The following MED15 variants were observed in gnomAD, a reference collection of about 807,000 sequenced individuals.
MED15 encodes the protein mediator complex subunit 15.
A neutral mutation model predicts 118.7 loss-of-function variants in MED15; 41 were observed. The observed-to-expected ratio is 0.35, with a 90% CI of 0.27 to 0.45. The LOEUF is 0.45. Ranked by LOEUF, MED15 falls within the 20% of genes least tolerant of loss-of-function variation. The pLI is 1.00. For missense variants in MED15, 740 were observed against 1,025.5 expected (o/e 0.72, Z 3.80); for synonymous variants, 436 against 413.9 (o/e 1.05, Z -0.65).
chr22:20,584,469 T>TA, intron 14 of MED15, 44 bp downstream of exon 14: 2 of 1,598,478 alleles, frequency 1.3e-6, no homozygotes, highest in Non-Finnish European at 1.7e-6. Context: ...AGGGCTCTCC[T>TA]AAGAGCTCCT....
chr22:20,583,062 T>TG, intron 11 of MED15, 51 bp from the exon 12 acceptor site: 1 of 1,559,016 alleles, frequency 6.4e-7, no homozygotes, highest in Non-Finnish European at 8.7e-7. Flanking sequence ...AGAGCTCAAG[T>TG]TCCCCACCCG....
chr22:20,567,999 CT>C (rs2056505228), intron 7 of MED15, among the ~76,000 whole-genome samples: 1 of 152,236 alleles, frequency 6.6e-6, no homozygotes, highest in African/African-American at 2.4e-5. Flanking sequence ...ATCCCCACAC[CT>C]AGCCAAATTT....
At position 20,568,579 on chromosome 22, in the gene MED15, A is replaced by G. The variant is rs1169014817; in HGVS notation, c.1100A>G (p.Gln367Arg). Residue 367 changes from glutamine to arginine, a missense_variant, in exon 8 of 18, where the codon CAG becomes CGG. Transcript: ENST00000263205. ...GTGCAGCCCCAGGTGCAGCAGCAGCAGACAGCAGTACAGACAGCTCAGGCT... is the reference window on the plus strand; with the variant it reads ...GTGCAGCCCCAGGTGCAGCAGCAGCGGACAGCAGTACAGACAGCTCAGGCT... ...PPVQPQVQQQ[Q>R]TAVQTAQAAQ... The G allele has an allele frequency of 1.2e-6, 2 of 1,613,816 alleles. No homozygotes were observed. The highest frequency in any genetic ancestry group is 1.7e-6 in the Non-Finnish European group (2 of 1,180,030).
At chr22:20,580,954 C>T (rs1329422731) in intron 9 of MED15, among the ~76,000 whole-genome samples, 2 of 152,236 alleles carry the variant, frequency 1.3e-5, no homozygotes, top group African/African-American at 4.8e-5. Context: ...GGCTGGGGCT[C>T]CTGCACTCTG....
chr22:20,553,731 G>A (rs566630763), intron 4 of MED15, among the ~76,000 whole-genome samples: 34 of 152,210 alleles, frequency 2.2e-4, no homozygotes, highest in African/African-American at 8.2e-4. Context: ...AAATAGCCGG[G>A]TGTGGTGGCA....
intron 5 of MED15, among the ~76,000 whole-genome samples, chr22:20,559,038 C>T (rs2056127959): frequency 6.6e-6 from 1 of 152,228 alleles, no homozygotes; most frequent in African/African-American, 2.4e-5. Flanking sequence ...CGACTACACT[C>T]CTGGCTACTC....
At chr22:20,508,627 A>G (rs934198125) in intron 1 of MED15, among the ~76,000 whole-genome samples, 4 of 152,138 alleles carry the variant, frequency 2.6e-5, no homozygotes, top group African/African-American at 4.8e-5. Flanking sequence ...GGTGGGGAGA[A>G]TTACAAAGAA....
rs777612079 is a variant in MED15 at position 20,585,233 on chromosome 22, C to T, written c.2097C>T (p.Ser699=). Residue 699 remains serine (S), a synonymous_variant, in exon 16 of 18, where the codon AGC becomes AGT. Coordinates refer to ENST00000263205, the MANE Select transcript of MED15 (RefSeq NM_001003891.3). ...FLVNLDPSHC[S]NNGTVHLICK... ...TAAACCTGGACCCTTCTCACTGCAG[C>T]AACAATGGCACTGTCCACCTGATCT... is the stretch of plus-strand genomic sequence containing the variant. 4 of 1,613,686 alleles carry T rather than the reference C, an allele frequency of 2.5e-6. No homozygotes were observed. Among genetic ancestry groups the T allele is most frequent in the Middle Eastern group, 1.7e-4 (1 of 6,060 alleles).
chr22:20,575,371 T>G, intron 9 of MED15, 139 bp downstream of exon 9: 1 of 910,098 alleles, frequency 1.1e-6, no homozygotes, highest in East Asian at 3.1e-5. Flanking sequence ...ACAGTCCCTT[T>G]TTTTTTTTTT....
chr22:20,584,993 GCCATTCACGGCCCACCCATCACGTA>G lies in MED15; in HGVS notation c.1943_1964+3del. On this transcript the variant is annotated splice_donor_variant and splice_donor_region_variant and coding_sequence_variant and intron_variant, in exon 15 of 18. Transcript: ENST00000263205. LOFTEE classifies it high-confidence loss of function. ...CCGCACATTCGTTCCAGCCATGACC[GCCATTCACGGCCCACCCATCACGTA>G]TGTCCAGCTGGGCTGGGCTTTGCGG... 6.2e-7 allele frequency: 1 copy of G among 1,614,006 alleles called. No homozygotes were observed. The highest frequency in any genetic ancestry group is 2.2e-5 in the East Asian group (1 of 44,884).
rs780375024 is a variant in MED15, at chr22:20,551,488, G to A, written c.208+1G>A. On this transcript the variant is annotated splice_donor_variant, in intron 3 of 17. Coordinates refer to ENST00000263205, the MANE Select transcript of MED15 (RefSeq NM_001003891.3). LOFTEE classifies it high-confidence loss of function. ...CTCATTATCCATTTTCGAGACATTC[G>A]TAAGTAAGATTTTGCATTTCTGGGT... 1.9e-6 allele frequency: 3 copies of A among 1,613,718 alleles called. No homozygotes were observed. Among genetic ancestry groups the A allele is most frequent in the Non-Finnish European group, 2.5e-6 (3 of 1,179,726 alleles).
chr22:20,558,708 G>A (rs16988513), intron 5 of MED15, among the ~76,000 whole-genome samples: 4,313 of 152,194 alleles, frequency 0.028, 211 homozygotes, highest in African/African-American at 0.098. Flanking sequence ...GGGGAAGAAA[G>A]CTTGGGATTC....
chr22:20,525,147 T>A (rs1038337664), intron 1 of MED15, among the ~76,000 whole-genome samples: 1 of 151,854 alleles, frequency 6.6e-6, no homozygotes, highest in Non-Finnish European at 1.5e-5. Flanking sequence ...AAAAAATAAT[T>A]TTAAAAAATT....
intron 1 of MED15, among the ~76,000 whole-genome samples, chr22:20,525,875 CT>C (rs1259897950): frequency 1.3e-5 from 2 of 151,772 alleles, no homozygotes; most frequent in Non-Finnish European, 2.9e-5. Flanking sequence ...CTGAGTATTT[CT>C]CTACGACACT....
intron 1 of MED15, among the ~76,000 whole-genome samples, chr22:20,512,308 C>T (rs994459839): frequency 4.0e-5 from 6 of 151,892 alleles, no homozygotes; most frequent in Admixed American, 3.3e-4. Flanking sequence ...TTCTTTTTAA[C>T]CAATTTATTA....
intron 1 of MED15, among the ~76,000 whole-genome samples, chr22:20,513,936 C>T (rs5756675): frequency 6.6e-6 from 1 of 152,020 alleles, no homozygotes; most frequent in African/African-American, 2.4e-5. Flanking sequence ...TGATCTTGGC[C>T]CACTGCAACC....
chr22:20,545,092 G>A lies in MED15; in HGVS notation c.157-6344G>A, dbSNP rs78612518. On this transcript the variant is annotated intron_variant, in intron 2 of 17. Transcript: ENST00000263205. ...TTCCAGGGAATAGGACCTGATTTAA[G>A]GACTGTTATTTAGCCTGCCACAGAC... Among the ~76,000 whole-genome samples, 203 of 152,278 alleles carry A rather than the reference G, an allele frequency of 1.3e-3. 1 individual carries two copies. Among genetic ancestry groups the A allele is most frequent in the African/African-American group, 3.9e-3 (164 of 41,552 alleles).
chr22:20,541,973 T>C (rs180734854), intron 2 of MED15, among the ~76,000 whole-genome samples: 1 of 152,266 alleles, frequency 6.6e-6, no homozygotes, highest in East Asian at 1.9e-4. Context: ...TTTGTATTTT[T>C]AGTAGAGACA....
intron 9 of MED15, among the ~76,000 whole-genome samples, chr22:20,578,005 A>G (rs962788240): frequency 2.0e-5 from 3 of 151,654 alleles, no homozygotes; most frequent in South Asian, 2.1e-4. Flanking sequence ...GCTCACTGCA[A>G]CCTCCACCTC....
Sources: allele counts gnomAD v4.1 joint callset (sites outside exome capture counted in the v4.1 genomes callset), GRCh38; gene constraint gnomAD v4.1.1; transcripts MANE v1.5; gene names NCBI Gene and HGNC (gene_info 2026-07-23, HGNC 2026-07-21).